Variants in ATXN7L1 observed in about 807,000 individuals in gnomAD.
ATXN7L1 encodes the protein ataxin-7-like protein 1.
Under a neutral mutation model 70.8 loss-of-function variants are expected in ATXN7L1, and 15 were observed. The ratio of observed to expected loss-of-function variants is 0.21; its 90% CI spans 0.14 to 0.33. ATXN7L1 has a LOEUF of 0.33. ATXN7L1 is among the 10% of genes least tolerant of loss of function. The pLI, the probability that ATXN7L1 is intolerant of heterozygous loss-of-function variation, is 1.00. For missense variants in ATXN7L1, 975 were observed against 1,097.1 expected, an observed-to-expected ratio of 0.89 and a Z score of 1.57; for synonymous variants, 440 against 445.1, an observed-to-expected ratio of 0.99 and a Z score of 0.14.
chr7:105,827,062 C>G (rs1377421054), intron 2 of ATXN7L1, among the ~76,000 whole-genome samples: 1 of 152,136 alleles, frequency 6.6e-6, no homozygotes, highest in East Asian at 1.9e-4. Context: ...CCACTCCAAC[C>G]TGTGTTTAAT....
chr7:105,624,422 C>T (rs1050314115), intron 7 of ATXN7L1, among the ~76,000 whole-genome samples, 155 bp from the exon 8 acceptor site: 2 of 152,106 alleles, frequency 1.3e-5, no homozygotes, highest in Admixed American at 6.6e-5. Flanking sequence ...GAGGCCAAGG[C>T]GGGCAGATGA....
At chr7:105,868,950 G>A (rs10081346) in intron 2 of ATXN7L1, among the ~76,000 whole-genome samples, 12,864 of 152,110 alleles carry the variant, frequency 0.085, 1,836 homozygotes, top group African/African-American at 0.29. Flanking sequence ...TCTTCCACAC[G>A]GGAACCCAGG....
rs1404854204 is a variant in ATXN7L1 at position 105,639,559 on chromosome 7, A to G, written c.873T>C (p.Phe291=). The G allele has an allele frequency of 1.9e-6, 3 of 1,550,684 alleles. No individual in the cohort carries two copies. The highest frequency in any genetic ancestry group is 2.6e-6 in the Non-Finnish European group (3 of 1,146,350). The change falls in exon 6 of 12, where the codon TTT becomes TTC. Residue 291 remains phenylalanine (F), a synonymous_variant. Coordinates refer to ENST00000419735, the MANE Select transcript of ATXN7L1 (RefSeq NM_020725.2). ...ATACTCCACAGTGTTTATTTGGGTC[A>G]AATTCTCTCTCTGGTTTAAGAAACA... The part of the protein sequence containing the change: ...KPYRRLSERE[F]DPNKHCGVLD...
At chr7:105,819,811 AT>A (rs1057185556) in intron 2 of ATXN7L1, 1 of 643,472 alleles carries the variant, frequency 1.6e-6, no homozygotes, top group African/African-American at 1.8e-5. Flanking sequence ...GTTTGACGGC[AT>A]CCCACCGCCC....
intron 2 of ATXN7L1, among the ~76,000 whole-genome samples, chr7:105,857,934 A>G (rs73421392): frequency 1.5e-4 from 22 of 149,080 alleles, no homozygotes; most frequent in Non-Finnish European, 2.4e-4. Context: ...CTACAGGGGG[A>G]AAAAAAAAAG....
In ATXN7L1 at chr7:105,614,925, AC is replaced by A; in HGVS notation, c.1518-110del. 1.5e-6 allele frequency: 2 copies of A among 1,305,314 alleles called. No individual in the cohort carries two copies. Among genetic ancestry groups the A allele is most frequent in the Non-Finnish European group, 2.1e-6 (2 of 965,968 alleles). 80.9% of individuals were successfully genotyped at this position (1,305,314 alleles called of 1,614,324 possible). ...GGGCTACAGAGGACACCCCGGCAGA[AC>A]CAGACTATGGAGAATGGAGCCTTGA... On this transcript the variant is annotated intron_variant, in intron 9 of 11. Transcript: ENST00000419735. The surrounding 1 kb of genome is among the most constrained non-coding windows in gnomAD (Gnocchi z 4.3).
At chr7:105,714,622 G>A (rs572961187) in intron 3 of ATXN7L1, among the ~76,000 whole-genome samples, 1 of 152,226 alleles carries the variant, frequency 6.6e-6, no homozygotes, top group South Asian at 2.1e-4. Context: ...ATATACCTCT[G>A]GGCAGAAGAG....
chr7:105,807,043 G>A (rs752310745), intron 2 of ATXN7L1, among the ~76,000 whole-genome samples: 2 of 152,186 alleles, frequency 1.3e-5, no homozygotes, highest in South Asian at 2.1e-4. Flanking sequence ...GCCAGGGCAC[G>A]CTGCCATCCA....
At chr7:105,723,278 T>C (rs1795415799) in intron 3 of ATXN7L1, among the ~76,000 whole-genome samples, 1 of 152,194 alleles carries the variant, frequency 6.6e-6, no homozygotes, top group African/African-American at 2.4e-5. Flanking sequence ...ACTTTCCTCA[T>C]CTACAAATTG....
intron 3 of ATXN7L1, among the ~76,000 whole-genome samples, chr7:105,782,667 C>T (rs994304793): frequency 4.6e-5 from 7 of 152,196 alleles, no homozygotes; most frequent in African/African-American, 7.2e-5. Context: ...GGATGGACCT[C>T]GGCAGGGAAC....
chr7:105,863,770 T>G (rs1383289680), intron 2 of ATXN7L1, among the ~76,000 whole-genome samples: 1 of 152,194 alleles, frequency 6.6e-6, no homozygotes, highest in East Asian at 1.9e-4. Flanking sequence ...AGGGTGGTCA[T>G]GAGGATTAAA....
intron 3 of ATXN7L1, chr7:105,760,081 G>GTC (rs1563071341): frequency 1.7e-6 from 1 of 577,016 alleles, no homozygotes; most frequent in East Asian, 1.4e-4. Context: ...CTTCTGGGAA[G>GTC]TCTCTCCTTT....
chr7:105,788,791 A>C (rs2116481923), intron 2 of ATXN7L1, 83 bp from the exon 3 acceptor site: 1 of 1,162,686 alleles, frequency 8.6e-7, no homozygotes, highest in South Asian at 1.3e-5. Context: ...GAATTTCTTC[A>C]AGGACAGTTT....
chr7:105,693,875 T>G lies in ATXN7L1; in HGVS notation c.356-28587A>C, dbSNP rs796394414. On this transcript the variant is annotated intron_variant, in intron 3 of 11. Transcript: ENST00000419735. ...GAAATGGAGCCACCCTGGAGTGAAA[T>G]GCAGCAGTTGCCTGATACATCACAG... Among the ~76,000 whole-genome samples the G allele has an allele frequency of 1.4e-4, 21 of 152,172 alleles. 1 individual carries two copies. The highest frequency in any genetic ancestry group is 4.6e-4 in the African/African-American group (19 of 41,500).
chr7:105,655,409 T>C (rs1054466732), intron 4 of ATXN7L1, among the ~76,000 whole-genome samples: 3 of 152,106 alleles, frequency 2.0e-5, no homozygotes, highest in Non-Finnish European at 4.4e-5. Flanking sequence ...CAAAGAGTTG[T>C]GGGCAGAACG....
At chr7:105,730,743 G>GA (rs1252244835) in intron 3 of ATXN7L1, among the ~76,000 whole-genome samples, 1 of 149,348 alleles carries the variant, frequency 6.7e-6, no homozygotes, top group African/African-American at 2.5e-5. Context: ...AAAAAAAAAA[G>GA]AAAAAAAAAG....
At chr7:105,673,054 G>C (rs1296249545) in intron 3 of ATXN7L1, among the ~76,000 whole-genome samples, 4 of 152,198 alleles carry the variant, frequency 2.6e-5, no homozygotes, top group South Asian at 2.1e-4. Context: ...GATCAGCCAA[G>C]CAGGGAGCTT....
chr7:105,818,212 C>T (rs1346617039), intron 2 of ATXN7L1, among the ~76,000 whole-genome samples: 3 of 152,136 alleles, frequency 2.0e-5, no homozygotes, highest in African/African-American at 7.2e-5. Context: ...TTCTGTTGCC[C>T]AGGCTGGAGT....
At chr7:105,702,470 G>A (rs1792569033) in intron 3 of ATXN7L1, among the ~76,000 whole-genome samples, 1 of 152,040 alleles carries the variant, frequency 6.6e-6, no homozygotes, top group South Asian at 2.1e-4. Context: ...GGTATAAATT[G>A]TGACTCTCCC....
Sources: allele counts gnomAD v4.1 joint callset (sites outside exome capture counted in the v4.1 genomes callset), GRCh38; gene constraint gnomAD v4.1.1; non-coding constraint Gnocchi (gnomAD v3.1); transcripts MANE v1.5; gene names NCBI Gene and HGNC (gene_info 2026-07-23, HGNC 2026-07-21).